The following CATSPERE variants were observed in gnomAD, a reference collection of about 807,000 sequenced individuals.
CATSPERE encodes catsper channel auxiliary subunit epsilon.
Under a neutral mutation model 114.1 loss-of-function variants are expected in CATSPERE, and 93 were observed. The observed-to-expected ratio is 0.81, with a 90% CI of 0.69 to 0.97. CATSPERE has a LOEUF of 0.97. Ranked by LOEUF, CATSPERE falls within the 50% of genes least tolerant of loss-of-function variation. CATSPERE has a pLI of 0.00. For missense variants in CATSPERE, 1,058 were observed against 1,131.6 expected (o/e 0.93, Z 0.93); for synonymous variants, 341 against 384.1 (o/e 0.89, Z 1.31).
intron 7 of CATSPERE, among the ~76,000 whole-genome samples, chr1:244,517,062 A>C (rs1163906010): frequency 1.3e-5 from 2 of 152,110 alleles, no homozygotes; most frequent in Non-Finnish European, 2.9e-5. Context: ...ATGTTTATAG[A>C]CTGAACATGA....
At position 244,462,853 on chromosome 1, in the gene CATSPERE, C is replaced by T. The variant is rs564639916; in HGVS notation, c.66-1055C>T. On this transcript the variant is annotated intron_variant, in intron 1 of 21. Transcript: ENST00000366534. Reference sequence around the variant, plus strand: ...ATCCTAGCAACTCTTCCTCTACATACAGAAAAAAGGCCTCTGATTTAAAGC... The same window carrying T: ...ATCCTAGCAACTCTTCCTCTACATATAGAAAAAAGGCCTCTGATTTAAAGC... 2.4e-4 allele frequency among the ~76,000 whole-genome samples: 37 copies of T among 152,132 alleles called. No homozygotes were observed. In the East Asian group the frequency reaches 7.2e-3, roughly 29 times the overall value.
intron 4 of CATSPERE, among the ~76,000 whole-genome samples, chr1:244,479,284 G>A (rs925014524): frequency 6.6e-6 from 1 of 151,992 alleles, no homozygotes; most frequent in Non-Finnish European, 1.5e-5. Flanking sequence ...GCAGAGATGG[G>A]GTTTCACCAT....
intron 8 of CATSPERE, among the ~76,000 whole-genome samples, chr1:244,543,278 C>T (rs6691811): frequency 0.99 from 150,423 of 151,572 alleles, 74,651 homozygotes; most frequent in Middle Eastern, 1. Flanking sequence ...TATATATATA[C>T]ACACAGTGGA....
intron 8 of CATSPERE, among the ~76,000 whole-genome samples, chr1:244,546,629 A>G (rs1383961503): frequency 1.3e-5 from 2 of 152,252 alleles, no homozygotes; most frequent in East Asian, 3.8e-4. Flanking sequence ...AGAATGATAA[A>G]TTTAACAGAG....
Position 244,573,506 on chromosome 1 carries a change from C to A in CATSPERE, c.1950+734C>A, listed in dbSNP as rs1664785942. Among the ~76,000 whole-genome samples the A allele has an allele frequency of 6.6e-6, 1 of 152,176 alleles. No homozygotes were observed. The highest frequency in any genetic ancestry group is 1.5e-5 in the Non-Finnish European group (1 of 68,010). On this transcript the variant is annotated intron_variant, in intron 11 of 21. Transcript: ENST00000366534. The surrounding 1 kb of genome is among the most constrained non-coding windows in gnomAD (Gnocchi z 4.0). ...AGTAGCCATGCAGTTCTGCTGGTTT[C>A]ATCTGGGTTCGTGGATGTGATGTGG... is the stretch of plus-strand genomic sequence containing the variant.
At chr1:244,623,762 A>G (rs971152812) in intron 20 of CATSPERE, among the ~76,000 whole-genome samples, 31 of 152,222 alleles carry the variant, frequency 2.0e-4, no homozygotes, top group African/African-American at 7.5e-4. Context: ...ACTGTAGTCT[A>G]TTAAGTGTGC....
chr1:244,454,939 G>T (rs1234316401), intron 1 of CATSPERE, among the ~76,000 whole-genome samples: 1 of 152,076 alleles, frequency 6.6e-6, no homozygotes, highest in Admixed American at 6.5e-5. Flanking sequence ...GTCTTGTTTT[G>T]TGTCCTGAAG....
At chr1:244,558,888 A>T (rs1176044367) in intron 9 of CATSPERE, among the ~76,000 whole-genome samples, 1 of 151,980 alleles carries the variant, frequency 6.6e-6, no homozygotes, top group African/African-American at 2.4e-5. Flanking sequence ...GTTCCTCTCC[A>T]CTCCCTTACC....
chr1:244,599,122 C>T (rs1353521169), intron 17 of CATSPERE, among the ~76,000 whole-genome samples: 2 of 152,092 alleles, frequency 1.3e-5, no homozygotes, highest in African/African-American at 2.4e-5. Flanking sequence ...GAGGTGGTTT[C>T]GACCCACATC....
chr1:244,577,754 G>A, intron 11 of CATSPERE, among the ~76,000 whole-genome samples: 1 of 152,140 alleles, frequency 6.6e-6, no homozygotes, highest in Non-Finnish European at 1.5e-5. Flanking sequence ...TAACACATAA[G>A]TTTTAGAGGA....
intron 6 of CATSPERE, among the ~76,000 whole-genome samples, chr1:244,496,008 C>T (rs1673029931): frequency 6.6e-6 from 1 of 152,168 alleles, no homozygotes; most frequent in East Asian, 1.9e-4. Flanking sequence ...ATGACGTGAC[C>T]TTGCTGAGTT....
At chr1:244,529,664 A>T (rs1679282639) in intron 8 of CATSPERE, among the ~76,000 whole-genome samples, 3 of 151,350 alleles carry the variant, frequency 2.0e-5, no homozygotes, top group African/African-American at 7.3e-5. Context: ...GAAGCTTTTT[A>T]TTTTATTTTT....
At chr1:244,627,732 C>G (rs1280093926) in intron 20 of CATSPERE, among the ~76,000 whole-genome samples, 2 of 152,176 alleles carry the variant, frequency 1.3e-5, no homozygotes, top group African/African-American at 2.4e-5. Context: ...AAGGGAAACT[C>G]AATAAAACAA....
chr1:244,546,912 T>G (rs1659842370), intron 8 of CATSPERE, among the ~76,000 whole-genome samples: 1 of 120,852 alleles, frequency 8.3e-6, no homozygotes, highest in Admixed American at 9.9e-5. Context: ...GGGTAGAAAG[T>G]TTATTTAAAG....
At chr1:244,561,789 T>G (rs3005999) in intron 10 of CATSPERE, among the ~76,000 whole-genome samples, 1 of 152,118 alleles carries the variant, frequency 6.6e-6, no homozygotes, top group Non-Finnish European at 1.5e-5. Context: ...AATTCATAAG[T>G]GTATGAAGTA....
intron 20 of CATSPERE, among the ~76,000 whole-genome samples, chr1:244,621,084 A>AT (rs1558609090): frequency 3.5e-4 from 24 of 69,234 alleles, no homozygotes; most frequent in Admixed American, 1.1e-3. Context: ...TATATATATA[A>AT]ATATATATAA....
intron 8 of CATSPERE, among the ~76,000 whole-genome samples, chr1:244,536,381 G>A (rs3005982): frequency 0.87 from 132,599 of 152,110 alleles, 58,715 homozygotes; most frequent in East Asian, 1. Flanking sequence ...AGTTTATTTC[G>A]GACTCCAGAG....
In CATSPERE at chr1:244,633,924, G is replaced by C. The variant is rs1448673181; in HGVS notation, c.2649-1565G>C. On this transcript the variant is annotated intron_variant, in intron 20 of 21. Transcript: ENST00000366534. This position sits in a 1 kb window ranked among gnomAD's most constrained non-coding sequence, Gnocchi z 4.1. ...CTGTTGCCCAGGCTGGAGTGCAGTGGTGCGATCTCCGCTCACTGCAACCTA... is the reference window on the plus strand; with the variant it reads ...CTGTTGCCCAGGCTGGAGTGCAGTGCTGCGATCTCCGCTCACTGCAACCTA... Among the ~76,000 whole-genome samples, 1 of 150,726 alleles carries C rather than the reference G, an allele frequency of 6.6e-6. No individual in the cohort carries two copies. The highest frequency in any genetic ancestry group is 1.9e-4 in the East Asian group (1 of 5,130).
At chr1:244,502,415 A>C (rs1414557325) in intron 7 of CATSPERE, among the ~76,000 whole-genome samples, 6 of 152,136 alleles carry the variant, frequency 3.9e-5, no homozygotes, top group African/African-American at 1.4e-4. Flanking sequence ...CTGGCATTAT[A>C]TGTCTTTAAT....
Sources: allele counts gnomAD v4.1 joint callset (sites outside exome capture counted in the v4.1 genomes callset), GRCh38; gene constraint gnomAD v4.1.1; non-coding constraint Gnocchi (gnomAD v3.1); transcripts MANE v1.5; gene names NCBI Gene and HGNC (gene_info 2026-07-23, HGNC 2026-07-21).